Variants in TRAPPC9 observed in about 807,000 individuals in gnomAD.
TRAPPC9 encodes trafficking protein particle complex subunit 9, also known as IKK2 binding protein.
TRAPPC9 carries 83 observed loss-of-function variants against 124.0 expected under a neutral mutation model. That is an observed-to-expected ratio of 0.67 (90% confidence interval 0.56 to 0.80). The LOEUF (loss-of-function observed/expected upper bound fraction) is 0.80. Among genes scored for constraint, TRAPPC9 ranks in the 30% least tolerant of loss-of-function variants. The probability of loss-of-function intolerance (pLI) is 0.00; values close to 1 mark genes in which losing one functional copy is unlikely to be tolerated. For missense variants in TRAPPC9, 1,302 were observed against 1,508.3 expected, an observed-to-expected ratio of 0.86 and a Z score of 2.27; for synonymous variants, 638 against 617.5, an observed-to-expected ratio of 1.03 and a Z score of -0.49.
upstream of TRAPPC9, chr8:140,458,374 C>CCTCTGTGA (rs1564040846): frequency 1.9e-6 from 3 of 1,597,474 alleles, no homozygotes; most frequent in Middle Eastern, 1.7e-4. Flanking sequence ...CCTGCGGCAC[C>CCTCTGTGA]CCCTGTGACC....
chr8:139,966,486 G>C (rs1315063053), intron 19 of TRAPPC9, among the ~76,000 whole-genome samples: 1 of 152,218 alleles, frequency 6.6e-6, no homozygotes, highest in Non-Finnish European at 1.5e-5. Flanking sequence ...GCCCAAGCTT[G>C]GTCCTTCTTC....
intron 21 of TRAPPC9, among the ~76,000 whole-genome samples, chr8:139,850,050 C>T (rs1384652445): frequency 6.6e-6 from 1 of 152,154 alleles, no homozygotes; most frequent in Non-Finnish European, 1.5e-5. Context: ...ACACTTGAGC[C>T]CAACCCTGCA....
At chr8:139,969,395 G>T (rs1241853715) in intron 19 of TRAPPC9, among the ~76,000 whole-genome samples, 1 of 152,202 alleles carries the variant, frequency 6.6e-6, no homozygotes, top group Non-Finnish European at 1.5e-5. Context: ...CTTGGCTCCT[G>T]GAGAAAACGT....
At chr8:139,801,058 C>T (rs936177734) in intron 21 of TRAPPC9, among the ~76,000 whole-genome samples, 1 of 128,068 alleles carries the variant, frequency 7.8e-6, no homozygotes, top group East Asian at 1.9e-4. Flanking sequence ...GGCACCTTCC[C>T]TCCCTCCAGT....
chr8:140,376,898 G>C (rs570624454), intron 7 of TRAPPC9, among the ~76,000 whole-genome samples: 173 of 150,766 alleles, frequency 1.1e-3, no homozygotes, highest in African/African-American at 4.0e-3. Flanking sequence ...AAAAATCACA[G>C]TGTTGGGAAG....
intron 15 of TRAPPC9, among the ~76,000 whole-genome samples, chr8:140,261,327 A>G (rs1436139654): frequency 6.6e-6 from 1 of 152,204 alleles, no homozygotes; most frequent in Non-Finnish European, 1.5e-5. Context: ...GACAGAGATA[A>G]AGAAGATGTA....
intron 17 of TRAPPC9, among the ~76,000 whole-genome samples, chr8:140,111,960 G>A (rs548102223): frequency 8.5e-5 from 13 of 152,388 alleles, no homozygotes; most frequent in African/African-American, 1.9e-4. Flanking sequence ...AGGCTCAGGC[G>A]CAGGCGCCAT....
At chr8:140,174,339 G>A (rs2062020965) in intron 17 of TRAPPC9, among the ~76,000 whole-genome samples, 1 of 151,980 alleles carries the variant, frequency 6.6e-6, no homozygotes, top group South Asian at 2.1e-4. Context: ...GTTTACCTGT[G>A]TAACAAACCT....
At chr8:139,935,108 A>C (rs1253428987) in intron 19 of TRAPPC9, among the ~76,000 whole-genome samples, 1 of 152,164 alleles carries the variant, frequency 6.6e-6, no homozygotes, top group Non-Finnish European at 1.5e-5. Flanking sequence ...GGGAGCCCCG[A>C]AAGACCAGAC....
intron 9 of TRAPPC9, among the ~76,000 whole-genome samples, chr8:140,336,742 AC>A (rs1194591591): frequency 1.3e-5 from 2 of 152,188 alleles, no homozygotes; most frequent in African/African-American, 2.4e-5. Context: ...ACAAATGACA[AC>A]TGTATCTAAG....
intron 21 of TRAPPC9, among the ~76,000 whole-genome samples, chr8:139,768,013 A>G (rs758426883): frequency 1.3e-5 from 2 of 152,226 alleles, no homozygotes; most frequent in Admixed American, 6.5e-5. Flanking sequence ...GGGCAGATTT[A>G]TAATACAACA....
chr8:139,810,696 A>C (rs1188584694), intron 21 of TRAPPC9, among the ~76,000 whole-genome samples: 1 of 152,180 alleles, frequency 6.6e-6, no homozygotes, highest in South Asian at 2.1e-4. Context: ...GGAGGGATGA[A>C]GGCAAAGTCC....
intron 17 of TRAPPC9, among the ~76,000 whole-genome samples, chr8:140,180,457 G>A (rs1168264282): frequency 3.3e-5 from 5 of 151,822 alleles, no homozygotes; most frequent in Non-Finnish European, 5.9e-5. Context: ...TCAAGGAAAC[G>A]TAAAAATTCA....
chr8:140,153,128 T>C (rs2061574036), intron 17 of TRAPPC9, among the ~76,000 whole-genome samples: 1 of 152,154 alleles, frequency 6.6e-6, no homozygotes, highest in Admixed American at 6.5e-5. Context: ...TGCCTGCAAA[T>C]CCATTCTCCC....
In TRAPPC9 at chr8:140,315,981, C is replaced by T. The variant is rs144779068; in HGVS notation, c.1496-4607G>A. Among the ~76,000 whole-genome samples, 782 of 152,132 alleles carry T rather than the reference C, an allele frequency of 5.1e-3. 7 individuals are homozygous for T. The highest frequency in any genetic ancestry group is 0.018 in the African/African-American group (739 of 41,494). Reference sequence around the variant, plus strand: ...GTGTGCCACAGAGGTAACAAATTTCCTTATGGATTGTATCTTTGACTATGG... The same window carrying T: ...GTGTGCCACAGAGGTAACAAATTTCTTTATGGATTGTATCTTTGACTATGG... On this transcript the variant is annotated intron_variant, in intron 9 of 22. Transcript: ENST00000438773.
chr8:140,392,145 T>C (rs1170133198), intron 7 of TRAPPC9, among the ~76,000 whole-genome samples: 1 of 152,184 alleles, frequency 6.6e-6, no homozygotes, highest in African/African-American at 2.4e-5. Context: ...ATACCAATGG[T>C]GGTATCTACA....
At chr8:140,005,784 C>T (rs897794430) in intron 18 of TRAPPC9, among the ~76,000 whole-genome samples, 1 of 151,792 alleles carries the variant, frequency 6.6e-6, no homozygotes, top group Admixed American at 6.6e-5. Flanking sequence ...TGGTGGTGCA[C>T]GCCTGTTGTT....
chr8:139,991,261 G>T (rs1162310147), intron 18 of TRAPPC9, among the ~76,000 whole-genome samples: 1 of 152,166 alleles, frequency 6.6e-6, no homozygotes, highest in Admixed American at 6.5e-5. Flanking sequence ...CACAGAATAC[G>T]GTGCTTACGA....
chr8:139,874,592 A>G (rs1189460376), intron 21 of TRAPPC9, among the ~76,000 whole-genome samples: 6 of 152,254 alleles, frequency 3.9e-5, no homozygotes, highest in Admixed American at 3.9e-4. Flanking sequence ...TATGGGAGGC[A>G]GCAGGTATGA....
Sources: gnomAD v4.1 joint callset for allele counts (sites outside exome capture counted in the v4.1 genomes callset) on GRCh38, gnomAD v4.1.1 for gene constraint, MANE v1.5 for transcripts, NCBI Gene and HGNC (gene_info 2026-07-23, HGNC 2026-07-21) for gene names.